Variants in UBN1 observed in about 807,000 individuals in gnomAD.
UBN1 encodes ubinuclein 1.
Under a neutral mutation model 108.5 loss-of-function variants are expected in UBN1, and 17 were observed. That is an observed-to-expected ratio of 0.16 (90% CI 0.11 to 0.24). UBN1 has a LOEUF of 0.24. UBN1 is among the 10% of genes least tolerant of loss of function. The pLI is 1.00. For missense variants in UBN1, 1,595 were observed against 1,394.4 expected, an observed-to-expected ratio of 1.14 and a Z score of -2.29; for synonymous variants, 726 against 564.2, an observed-to-expected ratio of 1.29 and a Z score of -4.07.
rs2087464015 is a variant in UBN1, at chr16:4,868,828, A to T, written c.1111-5A>T. The T allele has an allele frequency of 6.8e-6, 11 of 1,613,724 alleles. No individual in the cohort carries two copies. The highest frequency in any genetic ancestry group is 8.5e-6 in the Non-Finnish European group (10 of 1,179,794). On this transcript the variant is annotated splice_region_variant and splice_polypyrimidine_tract_variant and intron_variant, in intron 7 of 17. Transcript: ENST00000262376. ...TAACGGCTGTTACTGTCTGCTGTGC[A>T]CCAGGCTGCCAGAGCTGCTGAGGGG...
At chr16:4,857,159 T>C (rs920952065) in intron 2 of UBN1, among the ~76,000 whole-genome samples, 7 of 151,698 alleles carry the variant, frequency 4.6e-5, no homozygotes, top group South Asian at 4.2e-4. Flanking sequence ...CTGGGCAACA[T>C]GATGAAACCC....
chr16:4,868,811 G>A lies in UBN1; in HGVS notation c.1111-22G>A, dbSNP rs367995943. ...ATGTGGGGAAAGTGCACTAACGGCT[G>A]TTACTGTCTGCTGTGCACCAGGCTG... On this transcript the variant is annotated intron_variant, in intron 7 of 17. Coordinates refer to ENST00000262376, the MANE Select transcript of UBN1 (RefSeq NM_001079514.3). The A allele has an allele frequency of 5.6e-5, 90 of 1,612,786 alleles. No individual in the cohort carries two copies. The Middle Eastern group carries it at 1.5e-3, about 27-fold the overall frequency.
In UBN1 at chr16:4,874,409, C is replaced by T. The variant is rs140270302; in HGVS notation, c.1999C>T (p.Arg667Cys). The change falls in exon 15 of 18, where the codon CGC becomes TGC. Residue 667 changes from arginine to cysteine, a missense_variant. Arg to Cys is a radical substitution (Grantham distance 180, BLOSUM62 -3). Around this residue, in one of 3 missense-constraint regions of UBN1, gnomAD observed 1,398 missense variants for 1,194.7 expected, o/e 1.17. Transcript: ENST00000262376. The stretch of plus-strand genomic sequence containing the variant: ...GGACTCATTGGATGAAGACTTGATC[C>T]GCAATCCAGCCTCCTCGGTGGAAGC... Reference protein sequence around the residue: ...LEDSLDEDLIRNPASSVEAVS... With the variant: ...LEDSLDEDLICNPASSVEAVS... 57 of 1,614,068 alleles carry T rather than the reference C, an allele frequency of 3.5e-5. No homozygotes were observed. The highest frequency in any genetic ancestry group is 6.7e-5 in the East Asian group (3 of 44,866).
chr16:4,862,820 T>C (rs1256799434), intron 7 of UBN1, among the ~76,000 whole-genome samples: 2 of 152,290 alleles, frequency 1.3e-5, no homozygotes, highest in South Asian at 2.1e-4. Context: ...CGGAGCTGAG[T>C]AAACACCTTG....
At chr16:4,879,731 T>C (rs1487711715) in intron 17 of UBN1, among the ~76,000 whole-genome samples, 2 of 152,244 alleles carry the variant, frequency 1.3e-5, no homozygotes, top group African/African-American at 2.4e-5. Flanking sequence ...GGTAAGAGAA[T>C]GAATGATCAT....
intron 11 of UBN1, 44 bp from the exon 12 acceptor site, chr16:4,871,111 C>T: frequency 6.2e-7 from 1 of 1,610,596 alleles, no homozygotes; most frequent in Non-Finnish European, 8.5e-7. Context: ...CTTGGAGCAG[C>T]ATCTGAAGTA....
At chr16:4,849,633 C>G (rs1392698117) in intron 1 of UBN1, among the ~76,000 whole-genome samples, 4 of 151,446 alleles carry the variant, frequency 2.6e-5, no homozygotes, top group African/African-American at 9.7e-5. Context: ...CTCTTGTCGC[C>G]CAGGCTGGAG....
At chr16:4,850,312 C>T (rs961761971) in intron 1 of UBN1, among the ~76,000 whole-genome samples, 2 of 152,152 alleles carry the variant, frequency 1.3e-5, no homozygotes, top group East Asian at 3.8e-4. Flanking sequence ...GTTTTGCCAT[C>T]TAGGATTGAA....
chr16:4,868,950 C>T, intron 8 of UBN1, 47 bp downstream of exon 8: 1 of 1,606,778 alleles, frequency 6.2e-7, no homozygotes, highest in Non-Finnish European at 8.5e-7. Flanking sequence ...TCTGCTATTA[C>T]TGAGCTTGGG....
intron 7 of UBN1, among the ~76,000 whole-genome samples, chr16:4,861,461 C>G (rs192472866): frequency 1.3e-5 from 2 of 152,178 alleles, no homozygotes; most frequent in Non-Finnish European, 1.5e-5. Context: ...AGAATTCTTA[C>G]GAAGGTTTTG....
In UBN1 at chr16:4,876,950, C is replaced by T; in HGVS notation, c.3104C>T (p.Ser1035Phe). Residue 1035 changes from serine (S) to phenylalanine (F), a missense_variant, in exon 16 of 18, where the codon TCT (serine) becomes TTT (phenylalanine). Ser to Phe is a radical substitution (Grantham distance 155). Around this residue, in one of 3 missense-constraint regions of UBN1, gnomAD observed 1,398 missense variants for 1,194.7 expected, o/e 1.17. Coordinates refer to ENST00000262376, the MANE Select transcript of UBN1 (RefSeq NM_001079514.3). Reference protein sequence around the residue: ...SPYKSSSPKLSGAMSSNSLGI... With the variant: ...SPYKSSSPKLFGAMSSNSLGI... ...TACAAATCCAGCAGCCCAAAGCTGT[C>T]TGGGGCCATGAGCTCGAACTCCTTG... is the stretch of plus-strand genomic sequence containing the variant. The T allele has an allele frequency of 6.2e-7, 1 of 1,614,222 alleles. No individual in the cohort carries two copies.
chr16:4,866,759 A>G lies in UBN1; in HGVS notation c.1111-2074A>G, dbSNP rs940475426. On this transcript the variant is annotated intron_variant, in intron 7 of 17. Coordinates refer to ENST00000262376, the MANE Select transcript of UBN1 (RefSeq NM_001079514.3). ...ACTCCTGAGCTCGCGTGTTCCGCCC[A>G]CCTTGGCCTCCCAATGTGTTAGGAT... Among the ~76,000 whole-genome samples the G allele has an allele frequency of 5.3e-5, 8 of 152,256 alleles. No individual in the cohort carries two copies. The East Asian group carries it at 5.8e-4, about 11-fold the overall frequency.
At chr16:4,854,199 A>C (rs773919493) in intron 2 of UBN1, among the ~76,000 whole-genome samples, 2 of 151,158 alleles carry the variant, frequency 1.3e-5, no homozygotes, top group African/African-American at 2.4e-5. Flanking sequence ...ACGCCCGGCA[A>C]ATTTTTTGTA....
At chr16:4,858,984 G>A in intron 4 of UBN1, 41 bp from the exon 5 acceptor site, 5 of 1,605,690 alleles carry the variant, frequency 3.1e-6, no homozygotes, top group Non-Finnish European at 4.2e-6. Flanking sequence ...TCGGACTGCA[G>A]AAGCAGAACT....
At chr16:4,856,063 T>G (rs1383549142) in intron 2 of UBN1, among the ~76,000 whole-genome samples, 3 of 152,216 alleles carry the variant, frequency 2.0e-5, no homozygotes. Flanking sequence ...AGAAAGTAAT[T>G]TCAAATCCCT....
chr16:4,879,808 G>A (rs531127712), intron 17 of UBN1, among the ~76,000 whole-genome samples: 2 of 152,320 alleles, frequency 1.3e-5, no homozygotes, highest in South Asian at 4.1e-4. Flanking sequence ...CTGAGATGAC[G>A]TAGCCCAAGT....
chr16:4,866,631 G>T (rs1271036946), intron 7 of UBN1, among the ~76,000 whole-genome samples: 4 of 152,192 alleles, frequency 2.6e-5, no homozygotes, highest in Non-Finnish European at 5.9e-5. Flanking sequence ...TGCCACCTCA[G>T]CCTCCAGAGT....
Position 4,870,274 on chromosome 16 carries a change from C to T in UBN1, c.1244C>T (p.Ala415Val), listed in dbSNP as rs770318893. The change falls in exon 9 of 18, where the codon GCG (alanine) becomes GTG (valine). Residue 415 changes from alanine (A) to valine (V), a missense_variant. Physicochemically the swap from Ala to Val is moderately conservative, Grantham distance 64. This residue lies in a region of UBN1 where 1,398 missense variants were observed against 1,194.7 expected (regional missense o/e 1.17). Coordinates refer to ENST00000262376, the MANE Select transcript of UBN1 (RefSeq NM_001079514.3). ...CGCTCTGGGGTGTATGCCTATCTTGCGTCATTCCTGCCCTGCAGCAAGGAT... is the reference window on the plus strand; with the variant it reads ...CGCTCTGGGGTGTATGCCTATCTTGTGTCATTCCTGCCCTGCAGCAAGGAT... ...QVRSGVYAYL[A>V]SFLPCSKDAL... 9 of 1,614,230 alleles carry T rather than the reference C, an allele frequency of 5.6e-6. 1 individual carries two copies. Among genetic ancestry groups the T allele is most frequent in the South Asian group, 5.5e-5 (5 of 91,084 alleles).
In UBN1 at chr16:4,867,929, G is replaced by C. The variant is rs73517071; in HGVS notation, c.1111-904G>C. 4.7e-4 allele frequency among the ~76,000 whole-genome samples: 71 copies of C among 152,152 alleles called. 1 individual carries two copies. Among genetic ancestry groups the C allele is most frequent in the Admixed American group, 3.2e-3 (49 of 15,268 alleles). On this transcript the variant is annotated intron_variant, in intron 7 of 17. Coordinates refer to ENST00000262376, the MANE Select transcript of UBN1 (RefSeq NM_001079514.3). Reference sequence around the variant, plus strand: ...AAAGCCTTCAGACCAGCAGCTCTTGGGTTGAGAGGAATGGTTCCCAGCCCT... The same window carrying C: ...AAAGCCTTCAGACCAGCAGCTCTTGCGTTGAGAGGAATGGTTCCCAGCCCT...
Sources: allele counts gnomAD v4.1 joint callset (sites outside exome capture counted in the v4.1 genomes callset), GRCh38; gene constraint gnomAD v4.1.1; regional missense constraint gnomAD v4.1.1; transcripts MANE v1.5; gene names NCBI Gene and HGNC (gene_info 2026-07-23, HGNC 2026-07-21).